The following USP7 variants were observed in gnomAD, a reference collection of about 807,000 sequenced individuals.
The protein encoded by USP7 is ubiquitin C-terminal hydrolase 7.
USP7 carries 9 observed loss-of-function variants against 162.9 expected under a neutral mutation model. The observed-to-expected ratio is 0.06, with a 90% CI of 0.03 to 0.10. USP7 has a LOEUF of 0.10. USP7 is among the 10% of genes least tolerant of loss of function. The pLI is 1.00. For missense variants in USP7, 715 were observed against 1,373.7 expected (o/e 0.52, Z 7.58); for synonymous variants, 562 against 475.9 (o/e 1.18, Z -2.35).
At position 8,941,264 on chromosome 16, in the gene USP7, C is replaced by G. The variant is rs542392582; in HGVS notation, c.80-10867G>C. ...ACATGAACCTAAGTGGAAAAATTAA[C>G]TATGCTCAAACATAACCCTGAAAGC... On this transcript the variant is annotated intron_variant, in intron 1 of 30. Coordinates refer to ENST00000344836, the MANE Select transcript of USP7 (RefSeq NM_003470.3). Among the ~76,000 whole-genome samples, 18 of 152,332 alleles carry G rather than the reference C, an allele frequency of 1.2e-4. No individual in the cohort carries two copies. In the South Asian group the frequency reaches 3.5e-3, roughly 30 times the overall value.
At chr16:8,923,146 CAAATAACTTAAGATA>C in intron 3 of USP7, 54 bp downstream of exon 3, 1 of 737,164 alleles carries the variant, frequency 1.4e-6, no homozygotes, top group Non-Finnish European at 1.7e-6. Flanking sequence ...GTAGAGGCAG[CAAATAACTTAAGATA>C]AAATTGCACT....
At chr16:8,938,970 T>C (rs1286916461) in intron 1 of USP7, among the ~76,000 whole-genome samples, 1 of 152,068 alleles carries the variant, frequency 6.6e-6, no homozygotes, top group Admixed American at 6.5e-5. Context: ...CTGGAACCAA[T>C]CCACCATTAA....
chr16:8,961,816 G>A (rs1227820763), intron 1 of USP7, among the ~76,000 whole-genome samples: 2 of 152,116 alleles, frequency 1.3e-5, no homozygotes, highest in Non-Finnish European at 2.9e-5. Context: ...TCAGCTATTT[G>A]GTTTAATCAC....
At chr16:8,909,072 G>A (rs1393800513) in intron 11 of USP7, among the ~76,000 whole-genome samples, 3 of 152,166 alleles carry the variant, frequency 2.0e-5, no homozygotes, top group African/African-American at 7.2e-5. Flanking sequence ...GCTGACTGCC[G>A]GACTCTGTGG....
At chr16:8,896,868 C>A in intron 26 of USP7, 131 bp downstream of exon 26, 2 of 745,688 alleles carry the variant, frequency 2.7e-6, no homozygotes, top group Admixed American at 3.9e-5. Flanking sequence ...GCAATGGAGG[C>A]ACACCCCACT....
chr16:8,932,739 G>A (rs1254684324), intron 1 of USP7, among the ~76,000 whole-genome samples: 5 of 152,206 alleles, frequency 3.3e-5, no homozygotes, highest in African/African-American at 1.2e-4. Context: ...ACCAAGGACA[G>A]TGACTGGCCC....
rs973889958 is a variant in USP7 at position 8,908,321 on chromosome 16, T to C, written c.1271+20A>G. ...CAGCATGATGATGAAATCTTAACTT[T>C]ATATCCCACTATAGATTACCTATCA... On this transcript the variant is annotated intron_variant, in intron 12 of 30. Coordinates refer to ENST00000344836, the MANE Select transcript of USP7 (RefSeq NM_003470.3). 2.5e-6 allele frequency: 4 copies of C among 1,587,802 alleles called. No individual in the cohort carries two copies. Among genetic ancestry groups the C allele is most frequent in the Non-Finnish European group, 3.5e-6 (4 of 1,156,856 alleles).
At chr16:8,899,493 T>C (rs889846391) in intron 22 of USP7, 111 bp downstream of exon 22, 114 of 1,372,704 alleles carry the variant, frequency 8.3e-5, no homozygotes, top group Non-Finnish European at 1.1e-4. Flanking sequence ...TCCTCGGGCA[T>C]AGCCCCTTCT....
At chr16:8,957,483 C>A (rs1899854859) in intron 1 of USP7, among the ~76,000 whole-genome samples, 1 of 151,992 alleles carries the variant, frequency 6.6e-6, no homozygotes, top group Non-Finnish European at 1.5e-5. Context: ...GTGGCTCACA[C>A]CTATAATCCC....
Position 8,893,876 on chromosome 16 carries a change from A to G in USP7, c.*122T>C, listed in dbSNP as rs1159180854. The G allele has an allele frequency of 4.8e-6, 4 of 841,428 alleles. No homozygotes were observed. Among genetic ancestry groups the G allele is most frequent in the Non-Finnish European group, 5.9e-6 (3 of 507,526 alleles). The allele number at this position is 841,428 out of a possible 1,614,324, so 52.1% of individuals were successfully genotyped here. A position where few individuals can be genotyped will look rare whatever the true frequency, so the allele number is the denominator to read the frequency against. Reference sequence around the variant, plus strand: ...AACTGAACAGCCTCAATAAAATAAAATTAACACCAGCAGCGAATCCTCTTG... The same window carrying G: ...AACTGAACAGCCTCAATAAAATAAAGTTAACACCAGCAGCGAATCCTCTTG... On this transcript the variant is annotated 3_prime_UTR_variant, in exon 31 of 31. Coordinates refer to ENST00000344836, the MANE Select transcript of USP7 (RefSeq NM_003470.3).
rs1455667089 is a variant in USP7 at position 8,903,487 on chromosome 16, C to T, written c.1705-85G>A. The T allele has an allele frequency of 4.9e-6, 7 of 1,422,814 alleles. No individual in the cohort carries two copies. The East Asian group carries it at 1.7e-4, about 35-fold the overall frequency. The allele number at this position is 1,422,814 out of a possible 1,614,324, so 88.1% of individuals were successfully genotyped here. On this transcript the variant is annotated intron_variant, in intron 15 of 30. Transcript: ENST00000344836. ...CTGAACACATTTAAACACTAAAACG[C>T]TGAAAACTCATTTTTTGTTCCAAAG... is the stretch of plus-strand genomic sequence containing the variant.
chr16:8,911,634 T>A (rs1430872210), intron 10 of USP7, among the ~76,000 whole-genome samples: 2 of 152,206 alleles, frequency 1.3e-5, no homozygotes, highest in Non-Finnish European at 2.9e-5. Context: ...GCTGAAAGTT[T>A]ACAGGCTGCA....
chr16:8,951,133 A>G (rs1158327744), intron 1 of USP7, among the ~76,000 whole-genome samples: 2 of 152,226 alleles, frequency 1.3e-5, no homozygotes, highest in Non-Finnish European at 2.9e-5. Flanking sequence ...TTAAAGTCAA[A>G]CCAAGTAAGG....
rs894857888 is a variant in USP7 at position 8,927,289 on chromosome 16, T to C, written c.184+3004A>G. Among the ~76,000 whole-genome samples, 8 of 147,336 alleles carry C rather than the reference T, an allele frequency of 5.4e-5. No individual in the cohort carries two copies. In the Admixed American group the frequency reaches 5.5e-4, roughly 10 times the overall value. On this transcript the variant is annotated intron_variant, in intron 2 of 30. Coordinates refer to ENST00000344836, the MANE Select transcript of USP7 (RefSeq NM_003470.3). ...GTGAACCGAGATTGCGCCACTGCAC[T>C]CCAGCCTGGCCAAAAAGAAAAAAAG...
chr16:8,941,442 A>G (rs1440007430), intron 1 of USP7, among the ~76,000 whole-genome samples: 3 of 152,168 alleles, frequency 2.0e-5, no homozygotes, highest in African/African-American at 7.2e-5. Context: ...GACAGGAAGG[A>G]CCTGAGGGGT....
At chr16:8,927,469 T>C (rs2141224274) in intron 2 of USP7, among the ~76,000 whole-genome samples, 1 of 152,338 alleles carries the variant, frequency 6.6e-6, no homozygotes, top group East Asian at 1.9e-4. Flanking sequence ...TTGCAAGTCC[T>C]AGTCAATCCC....
chr16:8,911,665 G>C (rs1283825060), intron 10 of USP7, among the ~76,000 whole-genome samples: 1 of 152,242 alleles, frequency 6.6e-6, no homozygotes, highest in Non-Finnish European at 1.5e-5. Context: ...GGCAAACCCA[G>C]ACAGAGCCAA....
rs1480495786 is a variant in USP7, at chr16:8,895,664, G to A, written c.2897C>T (p.Thr966Met). 1.2e-6 allele frequency: 2 copies of A among 1,612,956 alleles called. No individual in the cohort carries two copies. Among genetic ancestry groups the A allele is most frequent in the Non-Finnish European group, 1.7e-6 (2 of 1,179,756 alleles). Reference sequence around the variant, plus strand: ...TACCTCTATTCGAAACGTCCGGCTCGTTGCAGGAGATAAACATTCTAATAG... The same window carrying A: ...TACCTCTATTCGAAACGTCCGGCTCATTGCAGGAGATAAACATTCTAATAG... ...DELLECLSPATSRTFRIEEIP... is the reference protein window; with the variant it reads ...DELLECLSPAMSRTFRIEEIP... Residue 966 changes from threonine to methionine, a missense_variant, in exon 27 of 31, where the codon ACG (threonine) becomes ATG (methionine). Physicochemically the swap from Thr to Met is moderately conservative, Grantham distance 81. Around this residue, in one of 11 missense-constraint regions of USP7, gnomAD observed 222 missense variants for 441.7 expected, o/e 0.50. Coordinates refer to ENST00000344836, the MANE Select transcript of USP7 (RefSeq NM_003470.3).
chr16:8,958,325 C>G (rs1899888518), intron 1 of USP7, among the ~76,000 whole-genome samples: 1 of 152,222 alleles, frequency 6.6e-6, no homozygotes, highest in African/African-American at 2.4e-5. Flanking sequence ...TGTGCCCACA[C>G]AAGTGCATGT....
Sources: allele counts gnomAD v4.1 joint callset (sites outside exome capture counted in the v4.1 genomes callset), GRCh38; gene constraint gnomAD v4.1.1; regional missense constraint gnomAD v4.1.1; transcripts MANE v1.5; gene names NCBI Gene and HGNC (gene_info 2026-07-23, HGNC 2026-07-21).